The following GDF7 variants were observed in gnomAD, a reference collection of about 807,000 sequenced individuals.
GDF7 encodes growth/differentiation factor 7.
A neutral mutation model predicts 13.4 loss-of-function variants in GDF7; 12 were observed. That is an observed-to-expected ratio of 0.90 (90% CI 0.57 to 1.45). The LOEUF is 1.45. Ranked by LOEUF, GDF7 falls within the 40% of genes most tolerant of loss-of-function variation. The pLI is 0.00. For synonymous variants in GDF7, 330 were observed against 306.4 expected (o/e 1.08, Z -0.80); for missense variants, 651 against 652.4 (o/e 1.00, Z 0.02).
In GDF7 at chr2:20,673,659, G is replaced by C. The variant is rs1662170498; in HGVS notation, c.*2234G>C. ...ACTAGTAAAAACAATTTTTTGGGCA[G>C]AAATGTCTTGATTTAGCCTGGCCTT... On this transcript the variant is annotated 3_prime_UTR_variant, in exon 2 of 2. Transcript: ENST00000272224. The C allele has an allele frequency of 6.6e-6, 1 of 152,172 alleles. No homozygotes were observed. The highest frequency in any genetic ancestry group is 2.1e-4 in the South Asian group (1 of 4,832). 9.4% of individuals were successfully genotyped at this position (152,172 alleles called of 1,614,324 possible).
chr2:20,671,689 G>A lies in GDF7; in HGVS notation c.*264G>A. ...TGTATTTTGCAAACAGATAACCATG[G>A]CGCCCACTGCCCCCATTTAGGGAGA... On this transcript the variant is annotated 3_prime_UTR_variant, in exon 2 of 2. Coordinates refer to ENST00000272224, the MANE Select transcript of GDF7 (RefSeq NM_182828.4). 2.1e-6 allele frequency: 1 copy of A among 474,034 alleles called. No homozygotes were observed. The highest frequency in any genetic ancestry group is 3.8e-6 in the Non-Finnish European group (1 of 261,418). The allele number at this position is 474,034 out of a possible 1,614,324, so 29.4% of individuals were successfully genotyped here. A position where few individuals can be genotyped will look rare whatever the true frequency, so the allele number is the denominator to read the frequency against.
In GDF7 at chr2:20,676,828, A is replaced by G. The variant is rs1424792865; in HGVS notation, c.*5403A>G. The stretch of plus-strand genomic sequence containing the variant: ...TTGAAAAATGGGTGTGAAGTCACTG[A>G]AAAATCAGACTGAGTTTCAAGTTAT... On this transcript the variant is annotated 3_prime_UTR_variant, in exon 2 of 2. Transcript: ENST00000272224. 1 of 152,162 alleles carries G rather than the reference A, an allele frequency of 6.6e-6. No individual in the cohort carries two copies. The highest frequency in any genetic ancestry group is 2.4e-5 in the African/African-American group (1 of 41,372). The allele number at this position is 152,162 out of a possible 1,614,324, so 9.4% of individuals were successfully genotyped here.
chr2:20,667,189 T>C lies in GDF7; in HGVS notation c.-51T>C. 1.8e-6 allele frequency: 2 copies of C among 1,097,934 alleles called. No individual in the cohort carries two copies. The highest frequency in any genetic ancestry group is 1.1e-6 in the Non-Finnish European group (1 of 902,772). 68.0% of individuals were successfully genotyped at this position (1,097,934 alleles called of 1,614,324 possible). ...CTATGTTCAAAAGGCGCCGGGGGAC[T>C]TCCCGGAGCCACGGAGCCCGCGCCG... On this transcript the variant is annotated 5_prime_UTR_variant, in exon 1 of 2. Transcript: ENST00000272224. The surrounding 1 kb of genome is among the most constrained non-coding windows in gnomAD (Gnocchi z 6.4).
chr2:20,670,432 T>C (rs764105079), intron 1 of GDF7, 32 bp from the exon 2 acceptor site: 54 of 1,491,876 alleles, frequency 3.6e-5, no homozygotes, highest in Non-Finnish European at 8.0e-6. Context: ...CTTACACAGC[T>C]CTTTCTCTCT....
chr2:20,667,623 G>A lies in GDF7; in HGVS notation c.384G>A (p.Ala128=). Residue 128 remains alanine, a synonymous_variant, in exon 1 of 2, where the codon GCG becomes GCA. Transcript: ENST00000272224. This position sits in a 1 kb window ranked among gnomAD's most constrained non-coding sequence, Gnocchi z 6.4. ...ADTITGFTDQ[A]TQDESAAETG... ...CGATCACCGGCTTCACAGACCAGGCGACCCAAGGTACTTACGCCTCTTCTG... is the reference window on the plus strand; with the variant it reads ...CGATCACCGGCTTCACAGACCAGGCAACCCAAGGTACTTACGCCTCTTCTG... 1.3e-6 allele frequency: 2 copies of A among 1,497,218 alleles called. No homozygotes were observed. Among genetic ancestry groups the A allele is most frequent in the Non-Finnish European group, 8.9e-7 (1 of 1,129,378 alleles). 92.7% of individuals were successfully genotyped at this position (1,497,218 alleles called of 1,614,324 possible). A position where few individuals can be genotyped will look rare whatever the true frequency, so the allele number is the denominator to read the frequency against.
Position 20,670,640 on chromosome 2 carries a change from C to T in GDF7, c.568C>T (p.Arg190Ter). The T allele has an allele frequency of 6.4e-7, 1 of 1,555,066 alleles. No homozygotes were observed. The highest frequency in any genetic ancestry group is 8.7e-7 in the Non-Finnish European group (1 of 1,154,302). ...LLLSTCPGAA[R>*]APRLLYSRAA... Reference sequence around the variant, plus strand: ...GCTGTCCACGTGCCCGGGCGCCGCCCGAGCGCCACGCCTGCTGTACTCGCG... The same window carrying T: ...GCTGTCCACGTGCCCGGGCGCCGCCTGAGCGCCACGCCTGCTGTACTCGCG... Residue 190 changes from arginine to a stop codon, truncating the protein, a stop_gained, in exon 2 of 2, where the codon CGA (arginine) becomes TGA (stop). Transcript: ENST00000272224. LOFTEE classifies it low-confidence loss of function (END_TRUNC).
Position 20,670,867 on chromosome 2 carries a change from C to T in GDF7, c.795C>T (p.Arg265=), listed in dbSNP as rs776653349. The T allele has an allele frequency of 7.9e-6, 12 of 1,513,238 alleles. No homozygotes were observed. The highest frequency in any genetic ancestry group is 7.9e-5 in the East Asian group (3 of 37,924). 93.7% of individuals were successfully genotyped at this position (1,513,238 alleles called of 1,614,324 possible). The change falls in exon 2 of 2, where the codon CGC becomes CGT. Residue 265 remains arginine, a synonymous_variant. Coordinates refer to ENST00000272224, the MANE Select transcript of GDF7 (RefSeq NM_182828.4). The part of the protein sequence containing the change: ...PGGGGSAAEE[R]AVLVVSSRTQ... ...GAGGGGGCTCTGCGGCAGAGGAGCG[C>T]GCGGTGCTAGTCGTCTCCTCCCGCA...
Position 20,674,626 on chromosome 2 carries a change from C to T in GDF7, c.*3201C>T, listed in dbSNP as rs970499050. On this transcript the variant is annotated 3_prime_UTR_variant, in exon 2 of 2. Transcript: ENST00000272224. Reference sequence around the variant, plus strand: ...GTTGAATTCTGACTTTCCAAACAGCCGCACTGGGTCTTCCAGAGAAGGTGG... The same window carrying T: ...GTTGAATTCTGACTTTCCAAACAGCTGCACTGGGTCTTCCAGAGAAGGTGG... 9 of 152,364 alleles carry T rather than the reference C, an allele frequency of 5.9e-5. No homozygotes were observed. In the East Asian group the frequency reaches 7.7e-4, roughly 13 times the overall value. The allele number at this position is 152,364 out of a possible 1,614,324, so 9.4% of individuals were successfully genotyped here. A position where few individuals can be genotyped will look rare whatever the true frequency, so the allele number is the denominator to read the frequency against.
Position 20,671,752 on chromosome 2 carries a change from A to G in GDF7, c.*327A>G. The G allele has an allele frequency of 3.6e-6, 1 of 280,530 alleles. No individual in the cohort carries two copies. The highest frequency in any genetic ancestry group is 6.7e-6 in the Non-Finnish European group (1 of 148,360). The allele number at this position is 280,530 out of a possible 1,614,324, so 17.4% of individuals were successfully genotyped here. A position where few individuals can be genotyped will look rare whatever the true frequency, so the allele number is the denominator to read the frequency against. On this transcript the variant is annotated 3_prime_UTR_variant, in exon 2 of 2. Coordinates refer to ENST00000272224, the MANE Select transcript of GDF7 (RefSeq NM_182828.4). ...TGCTGATGTTGCAGTTAGAGGCACG[A>G]AAATCAGGTAGCAACAACGGGTTAG...
Position 20,667,450 on chromosome 2 carries a change from CGCGCCGCGCGCCGCGCCGCGG to C in GDF7, c.214_234del (p.Ala72_Gly78del). On this transcript the variant is annotated inframe_deletion, in exon 1 of 2. Transcript: ENST00000272224. This position sits in a 1 kb window ranked among gnomAD's most constrained non-coding sequence, Gnocchi z 6.4. Reference sequence around the variant, plus strand: ...CCCGGCCGCCGCGGTTCCCCGGGCCCGCGCCGCGCGCCGCGCCGCGGGCTCCGGCTTCAGGAACGGCTCGGT... The same window carrying C: ...CCCGGCCGCCGCGGTTCCCCGGGCCCGCTCCGGCTTCAGGAACGGCTCGGT... 1 of 1,133,684 alleles carries C rather than the reference CGCGCCGCGCGCCGCGCCGCGG, an allele frequency of 8.8e-7. No individual in the cohort carries two copies. Among genetic ancestry groups the C allele is most frequent in the Non-Finnish European group, 1.1e-6 (1 of 918,214 alleles). 70.2% of individuals were successfully genotyped at this position (1,133,684 alleles called of 1,614,324 possible).
chr2:20,667,924 A>G lies in GDF7; in HGVS notation c.391+294A>G, dbSNP rs1023649532. ...CTCGAGGAGGCAGGCGGAGGCCAAG[A>G]TTCGCTTCTTGGGGAATGGTCTGGA... On this transcript the variant is annotated intron_variant, in intron 1 of 1. Transcript: ENST00000272224. The surrounding 1 kb of genome is among the most constrained non-coding windows in gnomAD (Gnocchi z 6.4). 6.6e-6 allele frequency among the ~76,000 whole-genome samples: 1 copy of G among 152,126 alleles called. No individual in the cohort carries two copies. Among genetic ancestry groups the G allele is most frequent in the Admixed American group, 6.5e-5 (1 of 15,278 alleles).
intron 1 of GDF7, among the ~76,000 whole-genome samples, chr2:20,669,082 C>G (rs1662049529): frequency 6.6e-6 from 1 of 152,236 alleles, no homozygotes; most frequent in African/African-American, 2.4e-5. Flanking sequence ...TCTCCCTCCT[C>G]CCTCTTGGGG....
rs1485279046 is a variant in GDF7, at chr2:20,667,866, A to G, written c.391+236A>G. On this transcript the variant is annotated intron_variant, in intron 1 of 1. Transcript: ENST00000272224. The surrounding 1 kb of genome is among the most constrained non-coding windows in gnomAD (Gnocchi z 6.4). ...CAGAGGGCTGACTGGTCCCTCTCCC[A>G]GGTCTCCCTGGCCTTGCAGGCCGGC... is the stretch of plus-strand genomic sequence containing the variant. 1.3e-5 allele frequency among the ~76,000 whole-genome samples: 2 copies of G among 152,118 alleles called. No homozygotes were observed. The highest frequency in any genetic ancestry group is 1.9e-4 in the East Asian group (1 of 5,172).
rs1022732747 is a variant in GDF7, at chr2:20,671,488, G to T, written c.*63G>T. The T allele has an allele frequency of 2.6e-5, 40 of 1,542,128 alleles. No individual in the cohort carries two copies. The highest frequency in any genetic ancestry group is 1.9e-4 in the Middle Eastern group (1 of 5,382). The stretch of plus-strand genomic sequence containing the variant: ...ATCCCCAGCTGATGAGCAGCAGCGG[G>T]CCACCCTGTCACCGAGCGTGGGTGC... On this transcript the variant is annotated 3_prime_UTR_variant, in exon 2 of 2. Coordinates refer to ENST00000272224, the MANE Select transcript of GDF7 (RefSeq NM_182828.4).
rs758288030 is a variant in GDF7 at position 20,671,104 on chromosome 2, G to T, written c.1032G>T (p.Arg344Ser). ...GGGAGRGHGR[R>S]GRSRCSRKPL... The stretch of plus-strand genomic sequence containing the variant: ...GCGCGGGCCGGGGCCACGGGCGCAG[G>T]GGCCGGAGCCGCTGCAGCCGCAAGC... The change falls in exon 2 of 2, where the codon AGG (arginine) becomes AGT (serine). Residue 344 changes from arginine (R) to serine (S), a missense_variant. Around this residue, in one of 4 missense-constraint regions of GDF7, gnomAD observed 487 missense variants for 445.9 expected, o/e 1.09. Transcript: ENST00000272224. 6.3e-7 allele frequency: 1 copy of T among 1,581,874 alleles called. No individual in the cohort carries two copies. The highest frequency in any genetic ancestry group is 2.3e-5 in the East Asian group (1 of 42,638).
At chr2:20,670,262 G>A (rs1424059836) in intron 1 of GDF7, among the ~76,000 whole-genome samples, 1 of 152,188 alleles carries the variant, frequency 6.6e-6, no homozygotes, top group African/African-American at 2.4e-5. Context: ...CGGATATCCC[G>A]GGCGAAGACG....
In GDF7 at chr2:20,670,833, G is replaced by A; in HGVS notation, c.761G>A (p.Trp254Ter). ...PLALRRLGFGWPGGGGSAAEE... is the reference protein window; with the variant it reads ...PLALRRLGFG ...GCACTGCGGCGGCTGGGCTTCGGCT[G>A]GCCGGGCGGAGGGGGCTCTGCGGCA... The change falls in exon 2 of 2, where the codon TGG becomes TAG. Residue 254 changes from tryptophan to a stop codon, truncating the protein, a stop_gained. Coordinates refer to ENST00000272224, the MANE Select transcript of GDF7 (RefSeq NM_182828.4). LOFTEE classifies it low-confidence loss of function (END_TRUNC). The A allele has an allele frequency of 6.7e-7, 1 of 1,493,992 alleles. No individual in the cohort carries two copies. Among genetic ancestry groups the A allele is most frequent in the Non-Finnish European group, 8.9e-7 (1 of 1,128,262 alleles). 92.5% of individuals were successfully genotyped at this position (1,493,992 alleles called of 1,614,324 possible). A position where few individuals can be genotyped will look rare whatever the true frequency, so the allele number is the denominator to read the frequency against.
At position 20,671,446 on chromosome 2, in the gene GDF7, C is replaced by A. The variant is rs1485133990; in HGVS notation, c.*21C>A. 3 of 1,602,192 alleles carry A rather than the reference C, an allele frequency of 1.9e-6. No homozygotes were observed. The highest frequency in any genetic ancestry group is 2.6e-6 in the Non-Finnish European group (3 of 1,174,146). On this transcript the variant is annotated 3_prime_UTR_variant, in exon 2 of 2. Coordinates refer to ENST00000272224, the MANE Select transcript of GDF7 (RefSeq NM_182828.4). ...GGTAGCGCGAGGGCCGGGGAGGGGGCAGCCACGCGGCCGAGGATCCCCAGC... is the reference window on the plus strand; with the variant it reads ...GGTAGCGCGAGGGCCGGGGAGGGGGAAGCCACGCGGCCGAGGATCCCCAGC...
rs1393219191 is a variant in GDF7 at position 20,671,360 on chromosome 2, G to A, written c.1288G>A (p.Ala430Thr). ...LSPISILYID[A>T]ANNVVYKQYE... ...CCCCATCAGCATCCTCTACATCGAC[G>A]CCGCCAACAACGTTGTCTACAAGCA... The change falls in exon 2 of 2, where the codon GCC becomes ACC. Residue 430 changes from alanine (A) to threonine (T), a missense_variant. Around this residue, in one of 4 missense-constraint regions of GDF7, gnomAD observed 101 missense variants for 139.2 expected, o/e 0.73. Transcript: ENST00000272224. 6.2e-7 allele frequency: 1 copy of A among 1,613,014 alleles called. No homozygotes were observed. Among genetic ancestry groups the A allele is most frequent in the Non-Finnish European group, 8.5e-7 (1 of 1,179,788 alleles).
Sources: allele counts gnomAD v4.1 joint callset (sites outside exome capture counted in the v4.1 genomes callset), GRCh38; gene constraint gnomAD v4.1.1; regional missense constraint gnomAD v4.1.1; non-coding constraint Gnocchi (gnomAD v3.1); transcripts MANE v1.5; gene names NCBI Gene and HGNC (gene_info 2026-07-23, HGNC 2026-07-21).